The following ABCF3 variants were observed in gnomAD, a reference collection of about 807,000 sequenced individuals.
The protein encoded by ABCF3 is ATP binding cassette subfamily F member 3, also known as ATP-binding cassette sub-family F member 3.
A neutral mutation model predicts 94.3 loss-of-function variants in ABCF3; 62 were observed. That is an observed-to-expected ratio of 0.66 (90% confidence interval 0.54 to 0.81). The LOEUF is 0.81. Among genes scored for constraint, ABCF3 ranks in the 40% least tolerant of loss-of-function variants. ABCF3 has a pLI of 0.00. For missense variants in ABCF3, 843 were observed against 925.3 expected, an observed-to-expected ratio of 0.91 and a Z score of 1.15; for synonymous variants, 355 against 361.1, an observed-to-expected ratio of 0.98 and a Z score of 0.19.
At chr3:184,191,828 G>A (rs1716048298) in intron 16 of ABCF3, among the ~76,000 whole-genome samples, 2 of 146,552 alleles carry the variant, frequency 1.4e-5, no homozygotes, top group South Asian at 4.5e-4. Context: ...GCTCACCGCA[G>A]CTTTCGCCTC....
At chr3:184,189,022 C>G in intron 9 of ABCF3, 34 bp downstream of exon 9, 1 of 1,614,240 alleles carries the variant, frequency 6.2e-7, no homozygotes, top group Non-Finnish European at 8.5e-7. Context: ...GCTTTGAACC[C>G]TGTTGTCTCA....
chr3:184,187,238 G>C, intron 3 of ABCF3, 159 bp from the exon 4 acceptor site: 1 of 837,574 alleles, frequency 1.2e-6, no homozygotes, highest in Non-Finnish European at 1.9e-6. Context: ...GTTTTGTTTT[G>C]TTTTGTTTTT....
chr3:184,189,755 C>A lies in ABCF3; in HGVS notation c.1312C>A (p.Gln438Lys). The change falls in exon 13 of 21, where the codon CAG becomes AAG. Residue 438 changes from glutamine to lysine, a missense_variant and splice_region_variant. Physicochemically the swap from Gln to Lys is moderately conservative, Grantham distance 53. Transcript: ENST00000429586. ...GCAGCAGCAGTATCGCCAGCACATC[C>A]AGGTGTGGGGCCTGGCAGGGCTGGG... The part of the protein sequence containing the change: ...EAQQQYRQHI[Q>K]VFIDRFRYNA... 1 of 1,613,934 alleles carries A rather than the reference C, an allele frequency of 6.2e-7. No individual in the cohort carries two copies. Among genetic ancestry groups the A allele is most frequent in the Non-Finnish European group, 8.5e-7 (1 of 1,179,990 alleles).
intron 5 of ABCF3, 34 bp from the exon 6 acceptor site, chr3:184,187,827 G>T (rs775349918): frequency 2.0e-5 from 33 of 1,613,946 alleles, no homozygotes; most frequent in Non-Finnish European, 2.6e-5. Flanking sequence ...AGGTGGTGGG[G>T]AGCACTAAGA....
chr3:184,188,481 A>G, intron 7 of ABCF3, 74 bp downstream of exon 7: 6 of 1,529,734 alleles, frequency 3.9e-6, no homozygotes, highest in Non-Finnish European at 5.3e-6. Flanking sequence ...GGAACAATCC[A>G]TAATTTGCAT....
chr3:184,190,707 G>GT (rs1240132724), intron 14 of ABCF3: 1 of 348,944 alleles, frequency 2.9e-6, no homozygotes, highest in Non-Finnish European at 5.3e-6. Flanking sequence ...TGCATTGGGA[G>GT]TTTAATTTTG....
rs779352957 is a variant in ABCF3 at position 184,189,740 on chromosome 3, T to G, written c.1297T>G (p.Tyr433Asp). 1 of 1,613,830 alleles carries G rather than the reference T, an allele frequency of 6.2e-7. No homozygotes were observed. Among genetic ancestry groups the G allele is most frequent in the Non-Finnish European group, 8.5e-7 (1 of 1,180,004 alleles). The change falls in exon 13 of 21, where the codon TAT becomes GAT. Residue 433 changes from tyrosine to aspartate, a missense_variant. Transcript: ENST00000429586. Reference protein sequence around the residue: ...QQREYEAQQQYRQHIQVFIDR... With the variant: ...QQREYEAQQQDRQHIQVFIDR... ...GCGTGAATATGAGGCGCAGCAGCAGTATCGCCAGCACATCCAGGTGTGGGG... is the reference window on the plus strand; with the variant it reads ...GCGTGAATATGAGGCGCAGCAGCAGGATCGCCAGCACATCCAGGTGTGGGG...
In ABCF3 at chr3:184,186,521, G is replaced by C; in HGVS notation, c.88G>C (p.Gly30Arg). 6.2e-7 allele frequency: 1 copy of C among 1,612,296 alleles called. No individual in the cohort carries two copies. The highest frequency in any genetic ancestry group is 8.5e-7 in the Non-Finnish European group (1 of 1,178,990). The change falls in exon 2 of 21, where the codon GGC (glycine) becomes CGC (arginine). Residue 30 changes from glycine to arginine, a missense_variant. Physicochemically the swap from Gly to Arg is moderately radical, Grantham distance 125. Coordinates refer to ENST00000429586, the MANE Select transcript of ABCF3 (RefSeq NM_018358.3). ...FDYVTGVLHSGSADFESVDDL... is the reference protein window; with the variant it reads ...FDYVTGVLHSRSADFESVDDL... The stretch of plus-strand genomic sequence containing the variant: ...GCCCTGCCCAGGCGTCTTGCACAGC[G>C]GCAGCGCGGACTTCGAGTCTGTGGA...
Position 184,193,743 on chromosome 3 carries a change from A to T in ABCF3, c.*45A>T. 1 of 1,527,850 alleles carries T rather than the reference A, an allele frequency of 6.5e-7. No individual in the cohort carries two copies. The highest frequency in any genetic ancestry group is 8.8e-7 in the Non-Finnish European group (1 of 1,134,428). 94.6% of individuals were successfully genotyped at this position (1,527,850 alleles called of 1,614,324 possible). Reference sequence around the variant, plus strand: ...CGCCCAGGACATGGACTGGTCTCTCAGACCCCTGGGCCACCATGTAGGCCA... The same window carrying T: ...CGCCCAGGACATGGACTGGTCTCTCTGACCCCTGGGCCACCATGTAGGCCA... On this transcript the variant is annotated 3_prime_UTR_variant, in exon 21 of 21. Coordinates refer to ENST00000429586, the MANE Select transcript of ABCF3 (RefSeq NM_018358.3). This position sits in a 1 kb window ranked among gnomAD's most constrained non-coding sequence, Gnocchi z 5.2.
Position 184,193,956 on chromosome 3 carries a change from C to CT in ABCF3, c.*259dup. 2.2e-6 allele frequency: 1 copy of CT among 456,616 alleles called. No homozygotes were observed. The highest frequency in any genetic ancestry group is 3.6e-5 in the East Asian group (1 of 27,404). The allele number at this position is 456,616 out of a possible 1,614,324, so 28.3% of individuals were successfully genotyped here. A position where few individuals can be genotyped will look rare whatever the true frequency, so the allele number is the denominator to read the frequency against. Reference sequence around the variant, plus strand: ...TATAGATTCCCCCACTGCCCCAGCTCTGACTGGACCCCAAGTGGCTGCTAT... The same window carrying CT: ...TATAGATTCCCCCACTGCCCCAGCTCTTGACTGGACCCCAAGTGGCTGCTAT... On this transcript the variant is annotated 3_prime_UTR_variant, in exon 21 of 21. Transcript: ENST00000429586. This position sits in a 1 kb window ranked among gnomAD's most constrained non-coding sequence, Gnocchi z 5.2.
In ABCF3 at chr3:184,193,452, G is replaced by A; in HGVS notation, c.1971G>A (p.Arg657=). ...EALGRALNNF[R]GGVILVSHDE... is the part of the protein sequence containing the mutation. ...TGGGCCGTGCCCTCAACAATTTCAG[G>A]GTGAGTGTGCCTTCACCCTGACCAC... is the stretch of plus-strand genomic sequence containing the variant. Residue 657 remains arginine (R), a splice_region_variant and synonymous_variant, in exon 20 of 21, where the codon AGG becomes AGA. Coordinates refer to ENST00000429586, the MANE Select transcript of ABCF3 (RefSeq NM_018358.3). This position sits in a 1 kb window ranked among gnomAD's most constrained non-coding sequence, Gnocchi z 5.2. The A allele has an allele frequency of 6.2e-7, 1 of 1,614,094 alleles. No homozygotes were observed. Among genetic ancestry groups the A allele is most frequent in the Non-Finnish European group, 8.5e-7 (1 of 1,180,016 alleles).
chr3:184,187,583 G>A (rs1022684008), intron 4 of ABCF3, 81 bp from the exon 5 acceptor site: 9 of 1,566,600 alleles, frequency 5.7e-6, no homozygotes, highest in Admixed American at 3.3e-5. Flanking sequence ...TAAGTTAAGA[G>A]GGTTTACTCG....
At chr3:184,189,505 C>T (rs371454488) in intron 12 of ABCF3, 52 bp from the exon 13 acceptor site, 13 of 1,613,800 alleles carry the variant, frequency 8.1e-6, no homozygotes, top group Non-Finnish European at 1.0e-5. Context: ...ACCTGGGGGC[C>T]TGAGAACTGA....
At chr3:184,192,536 T>G in intron 16 of ABCF3, 65 bp from the exon 17 acceptor site, 1 of 1,449,244 alleles carries the variant, frequency 6.9e-7, no homozygotes, top group Non-Finnish European at 9.4e-7. Flanking sequence ...TGCCCACATA[T>G]GAATGAGAAC....
chr3:184,189,131 G>C lies in ABCF3; in HGVS notation c.1021G>C (p.Ala341Pro). 1 of 1,614,158 alleles carries C rather than the reference G, an allele frequency of 6.2e-7. No homozygotes were observed. The highest frequency in any genetic ancestry group is 2.2e-5 in the East Asian group (1 of 44,876). Residue 341 changes from alanine (A) to proline (P), a missense_variant, in exon 10 of 21, where the codon GCC becomes CCC. Physicochemically the swap from Ala to Pro is conservative, Grantham distance 27. Coordinates refer to ENST00000429586, the MANE Select transcript of ABCF3 (RefSeq NM_018358.3). ...GAGGATGAGGCTGGCCCTGGCCCGG[G>C]CCCTCTTTGCTAGGTGAGTCTCCTG... ...GWRMRLALAR[A>P]LFARPDLLLL...
At chr3:184,186,761 T>C (rs754600322) in intron 2 of ABCF3, 35 bp from the exon 3 acceptor site, 24 of 1,606,626 alleles carry the variant, frequency 1.5e-5, no homozygotes, top group Admixed American at 3.4e-5. Context: ...TTCCCTCAAC[T>C]CCTAACTCTG....
At chr3:184,187,194 A>G (rs369759757) in intron 3 of ABCF3, 64 of 692,170 alleles carry the variant, frequency 9.2e-5, no homozygotes, top group Admixed American at 2.5e-4. Flanking sequence ...AGCCTTGTCT[A>G]TGCCTCTGTA....
In ABCF3 at chr3:184,193,719, G is replaced by A. The variant is rs1306159021; in HGVS notation, c.*21G>A. The A allele has an allele frequency of 3.2e-5, 51 of 1,580,874 alleles. No homozygotes were observed. The highest frequency in any genetic ancestry group is 4.4e-5 in the Non-Finnish European group (51 of 1,162,802). ...TCTAGGGCCACCAGGCTGAGGACTC[G>A]CCCAGGACATGGACTGGTCTCTCAG... On this transcript the variant is annotated 3_prime_UTR_variant, in exon 21 of 21. Transcript: ENST00000429586. This position sits in a 1 kb window ranked among gnomAD's most constrained non-coding sequence, Gnocchi z 5.2.
At chr3:184,190,848 A>G (rs1466405715) in intron 14 of ABCF3, 151 bp from the exon 15 acceptor site, 8 of 890,638 alleles carry the variant, frequency 9.0e-6, no homozygotes, top group Non-Finnish European at 1.2e-5. Context: ...ATTTTTTAGC[A>G]TACAGTAAAT....
Sources: allele counts gnomAD v4.1 joint callset (sites outside exome capture counted in the v4.1 genomes callset), GRCh38; gene constraint gnomAD v4.1.1; non-coding constraint Gnocchi (gnomAD v3.1); transcripts MANE v1.5; gene names NCBI Gene and HGNC (gene_info 2026-07-23, HGNC 2026-07-21).